The following TRPV1 variants were observed in gnomAD, a reference collection of about 807,000 sequenced individuals.
The protein encoded by TRPV1 is transient receptor potential cation channel subfamily V member 1.
In TRPV1, 82 loss-of-function variants were observed where a neutral mutation model predicts 82.3. That is an observed-to-expected ratio of 1.00 (90% CI 0.83 to 1.20). The LOEUF is 1.20. Among genes scored for constraint, TRPV1 ranks in the 50% most tolerant of loss-of-function variants. TRPV1 has a pLI of 0.00. For missense variants in TRPV1, 1,067 were observed against 1,096.8 expected, an observed-to-expected ratio of 0.97 and a Z score of 0.38; for synonymous variants, 515 against 467.7, an observed-to-expected ratio of 1.10 and a Z score of -1.30.
At chr17:3,582,205 A>T (rs941875140) in intron 10 of TRPV1, among the ~76,000 whole-genome samples, 7 of 145,674 alleles carry the variant, frequency 4.8e-5, no homozygotes, top group African/African-American at 1.5e-4. Flanking sequence ...AAAAAAAAAA[A>T]AAAAAAAAAT....
At chr17:3,580,831 A>C (rs1441232577) in intron 10 of TRPV1, among the ~76,000 whole-genome samples, 1 of 152,186 alleles carries the variant, frequency 6.6e-6, no homozygotes, top group Non-Finnish European at 1.5e-5. Flanking sequence ...AGCCTGGCCA[A>C]CATGGTGAAA....
At chr17:3,574,730 CCT>C (rs1226790135) in intron 13 of TRPV1, among the ~76,000 whole-genome samples, 2 of 151,980 alleles carry the variant, frequency 1.3e-5, no homozygotes, top group African/African-American at 4.8e-5. Context: ...AGGCGGATCA[CCT>C]GAGGTCAGGA....
chr17:3,571,706 AC>A, intron 15 of TRPV1, 67 bp from the exon 16 acceptor site: 1 of 1,347,936 alleles, frequency 7.4e-7, no homozygotes, highest in African/African-American at 1.4e-5. Context: ...GGCTCTGCCC[AC>A]AGGCCAAGCC....
At chr17:3,587,988 T>C (rs1263540334) in intron 8 of TRPV1, among the ~76,000 whole-genome samples, 200 bp downstream of exon 8, 2 of 152,224 alleles carry the variant, frequency 1.3e-5, no homozygotes, top group South Asian at 2.1e-4. Flanking sequence ...TCTGTTTTTA[T>C]GGGATGATAA....
chr17:3,604,689 C>T (rs1016671166), intron 2 of TRPV1, among the ~76,000 whole-genome samples: 2 of 152,018 alleles, frequency 1.3e-5, no homozygotes, highest in East Asian at 3.9e-4. Context: ...ATGATGTGGA[C>T]GGGGTCAAGG....
Position 3,567,577 on chromosome 17 carries a change from C to T in TRPV1, c.2348-590G>A, listed in dbSNP as rs774877128. On this transcript the variant is annotated intron_variant, in intron 16 of 16. Transcript: ENST00000572705. Reference sequence around the variant, plus strand: ...TGCTTGCAGCCTCAGGAGAGCCCATCGCCTGCCCCTCTCGGCCTCCATCTC... The same window carrying T: ...TGCTTGCAGCCTCAGGAGAGCCCATTGCCTGCCCCTCTCGGCCTCCATCTC... Among the ~76,000 whole-genome samples, 15 of 152,020 alleles carry T rather than the reference C, an allele frequency of 9.9e-5. No individual in the cohort carries two copies. In the South Asian group the frequency reaches 1.9e-3, roughly 19 times the overall value.
At chr17:3,576,016 G>C (rs984460125) in intron 13 of TRPV1, among the ~76,000 whole-genome samples, 1 of 151,702 alleles carries the variant, frequency 6.6e-6, no homozygotes, top group Non-Finnish European at 1.5e-5. Context: ...CTTGAGGTCA[G>C]GAGCTCAAGA....
intron 2 of TRPV1, among the ~76,000 whole-genome samples, chr17:3,597,713 G>A (rs1223727734): frequency 3.0e-5 from 4 of 131,844 alleles, no homozygotes; most frequent in South Asian, 4.7e-4. Flanking sequence ...TTACTCTGTC[G>A]TCCAGGCTGG....
chr17:3,599,696 T>C (rs1136960), intron 2 of TRPV1, among the ~76,000 whole-genome samples: 1 of 151,566 alleles, frequency 6.6e-6, no homozygotes, highest in Non-Finnish European at 1.5e-5. Context: ...TGGCGTGATC[T>C]CAGCTCACTG....
intron 2 of TRPV1, among the ~76,000 whole-genome samples, chr17:3,601,282 AC>A (rs1359440893): frequency 6.6e-6 from 1 of 151,218 alleles, no homozygotes; most frequent in Non-Finnish European, 1.5e-5. Context: ...CCAACCTCCC[AC>A]AACCCCTCAC....
At chr17:3,572,308 C>A in intron 14 of TRPV1, 59 bp from the exon 15 acceptor site, 3 of 1,540,932 alleles carry the variant, frequency 1.9e-6, no homozygotes, top group South Asian at 1.2e-5. Context: ...CCCGGGGCCA[C>A]CCTGGCTGCC....
intron 4 of TRPV1, 28 bp downstream of exon 4, chr17:3,591,159 C>G: frequency 6.2e-7 from 1 of 1,608,622 alleles, no homozygotes; most frequent in Non-Finnish European, 8.5e-7. Flanking sequence ...AGGGCTGGGG[C>G]CCTCCCCGAG....
chr17:3,582,530 T>G (rs536309900), intron 10 of TRPV1, among the ~76,000 whole-genome samples: 1 of 151,826 alleles, frequency 6.6e-6, no homozygotes, highest in South Asian at 2.1e-4. Flanking sequence ...TTAGATTATA[T>G]AAATATGGTT....
chr17:3,603,344 TG>T (rs1437193996), intron 2 of TRPV1, among the ~76,000 whole-genome samples: 1 of 152,020 alleles, frequency 6.6e-6, no homozygotes, highest in Non-Finnish European at 1.5e-5. Context: ...AGCCCCGCTC[TG>T]CAGAGCTGTG....
At chr17:3,571,669 G>A (rs1158790238) in intron 15 of TRPV1, 30 bp from the exon 16 acceptor site, 38 of 1,555,246 alleles carry the variant, frequency 2.4e-5, no homozygotes, top group Non-Finnish European at 3.2e-5. Context: ...GAGAGCCTGA[G>A]AGCTGTGCCC....
chr17:3,582,057 G>C (rs1253294677), intron 10 of TRPV1, among the ~76,000 whole-genome samples: 30 of 148,616 alleles, frequency 2.0e-4, no homozygotes, highest in African/African-American at 7.1e-4. Context: ...GGGCGTGGTG[G>C]CGGGTGCCTG....
At chr17:3,577,221 C>T (rs201835124) in intron 12 of TRPV1, 29 bp from the exon 13 acceptor site, 10 of 1,563,758 alleles carry the variant, frequency 6.4e-6, no homozygotes, top group Middle Eastern at 1.7e-4. Flanking sequence ...TCATCAGAGC[C>T]GAGGCCAGGC....
rs1408746699 is a variant in TRPV1 at position 3,587,325 on chromosome 17, T to C, written c.1224+863A>G. 2.0e-5 allele frequency among the ~76,000 whole-genome samples: 3 copies of C among 152,148 alleles called. No individual in the cohort carries two copies. In the East Asian group the frequency reaches 5.8e-4, roughly 29 times the overall value. ...GCAACCTCTGACCTGTGAGATGTCG[T>C]GGAAGCCCCTCACTGCTGATGGCAC... On this transcript the variant is annotated intron_variant, in intron 8 of 16. Coordinates refer to ENST00000572705, the MANE Select transcript of TRPV1 (RefSeq NM_080704.4).
At chr17:3,574,447 A>G (rs900422711) in intron 13 of TRPV1, among the ~76,000 whole-genome samples, 1 of 152,172 alleles carries the variant, frequency 6.6e-6, no homozygotes, top group Non-Finnish European at 1.5e-5. Flanking sequence ...CCCCCGGCCT[A>G]GTCCCTTCCT....
Sources: allele counts gnomAD v4.1 joint callset (sites outside exome capture counted in the v4.1 genomes callset), GRCh38; gene constraint gnomAD v4.1.1; transcripts MANE v1.5; gene names NCBI Gene and HGNC (gene_info 2026-07-23, HGNC 2026-07-21).